Variants in SPIN1 observed in about 807,000 individuals in gnomAD.
SPIN1 encodes the protein spindlin-1.
Under a neutral mutation model 26.0 loss-of-function variants are expected in SPIN1, and 3 were observed. That is an observed-to-expected ratio of 0.12 (90% CI 0.05 to 0.30). The LOEUF (loss-of-function observed/expected upper bound fraction) is 0.30. Among genes scored for constraint, SPIN1 ranks in the 10% least tolerant of loss-of-function variants. The pLI is 1.00. For synonymous variants in SPIN1, 101 were observed against 116.5 expected (o/e 0.87, Z 0.86); for missense variants, 126 against 333.4 (o/e 0.38, Z 4.84).
intron 1 of SPIN1, 68 bp from the exon 2 acceptor site, chr9:88,426,314 T>G: frequency 2.6e-6 from 1 of 387,922 alleles, no homozygotes; most frequent in East Asian, 4.4e-5. Context: ...ATTTTATGTT[T>G]AATGGCTCAC....
chr9:88,453,989 C>T (rs1828417549), intron 3 of SPIN1, among the ~76,000 whole-genome samples: 1 of 152,164 alleles, frequency 6.6e-6, no homozygotes, highest in African/African-American at 2.4e-5. Context: ...ACCGGTTTAT[C>T]CCTAATGATG....
chr9:88,452,966 G>A (rs1182563663), intron 3 of SPIN1, among the ~76,000 whole-genome samples: 3 of 152,132 alleles, frequency 2.0e-5, no homozygotes, highest in Admixed American at 1.3e-4. Flanking sequence ...CTGGTATGTG[G>A]TAGAATTGTG....
intron 1 of SPIN1, among the ~76,000 whole-genome samples, chr9:88,412,029 A>G (rs960512706): frequency 3.3e-5 from 5 of 151,668 alleles, no homozygotes; most frequent in Non-Finnish European, 7.4e-5. Flanking sequence ...AAAAAAAAAA[A>G]ATAGCTGGGC....
chr9:88,407,398 C>G (rs1188646094), intron 1 of SPIN1, among the ~76,000 whole-genome samples: 1 of 151,882 alleles, frequency 6.6e-6, no homozygotes, highest in Non-Finnish European at 1.5e-5. Flanking sequence ...ATCTGCTTGG[C>G]CTCCCAAAGT....
rs1041738741 is a variant in SPIN1 at position 88,403,723 on chromosome 9, G to GA, written c.-159+15193dup. On this transcript the variant is annotated intron_variant, in intron 1 of 5. Transcript: ENST00000375859. ...GTAAGATCCTGTCTTCAAAGCGGGG[G>GA]AAAAAAAAGAAAACCACTATTAAGT... 1.5e-4 allele frequency among the ~76,000 whole-genome samples: 22 copies of GA among 151,584 alleles called. No homozygotes were observed. In the East Asian group the frequency reaches 4.1e-3, roughly 28 times the overall value.
intron 1 of SPIN1, among the ~76,000 whole-genome samples, chr9:88,406,230 C>T (rs1369575639): frequency 3.3e-5 from 5 of 151,272 alleles, no homozygotes; most frequent in Admixed American, 3.3e-4. Context: ...TGAAATGTCT[C>T]TGTGTGGGGC....
intron 2 of SPIN1, among the ~76,000 whole-genome samples, chr9:88,430,963 A>G (rs1172971083): frequency 6.6e-6 from 1 of 150,616 alleles, no homozygotes; most frequent in Admixed American, 6.6e-5. Flanking sequence ...GCTTACTGCA[A>G]CCTCTGCCTC....
intron 5 of SPIN1, among the ~76,000 whole-genome samples, chr9:88,469,814 G>GT (rs1254653733): frequency 1.3e-5 from 2 of 152,184 alleles, no homozygotes; most frequent in Admixed American, 1.3e-4. Context: ...GATTACAGGT[G>GT]TGAGCCATTA....
Position 88,461,845 on chromosome 9 carries a change from A to G in SPIN1, c.102-651A>G, listed in dbSNP as rs531221996. On this transcript the variant is annotated intron_variant, in intron 3 of 5. Transcript: ENST00000375859. ...AATAAGCCAGAAAAAAAGTAGTTTG[A>G]TGTTTCAATAATTTTTAATATTACA... Among the ~76,000 whole-genome samples, 327 of 152,340 alleles carry G rather than the reference A, an allele frequency of 2.1e-3. 1 individual carries two copies. The highest frequency in any genetic ancestry group is 7.7e-3 in the African/African-American group (320 of 41,588).
chr9:88,418,228 A>G (rs556226964), intron 1 of SPIN1, among the ~76,000 whole-genome samples: 4 of 152,198 alleles, frequency 2.6e-5, no homozygotes, highest in African/African-American at 4.8e-5. Context: ...CTGGAAATCA[A>G]ACCACTTCCT....
At chr9:88,403,994 T>G (rs1052530034) in intron 1 of SPIN1, among the ~76,000 whole-genome samples, 4 of 152,214 alleles carry the variant, frequency 2.6e-5, no homozygotes, top group Non-Finnish European at 5.9e-5. Context: ...TTTGACACAC[T>G]TAGGCTAAAT....
chr9:88,462,843 A>G, intron 4 of SPIN1, 94 bp downstream of exon 4: 2 of 1,347,588 alleles, frequency 1.5e-6, no homozygotes, highest in South Asian at 3.0e-5. Flanking sequence ...CTTCACTTTT[A>G]TTGGAACACA....
At chr9:88,464,764 AC>A (rs1178775809) in intron 4 of SPIN1, among the ~76,000 whole-genome samples, 7 of 152,290 alleles carry the variant, frequency 4.6e-5, no homozygotes, top group African/African-American at 4.8e-5. Context: ...TTGTAAAAAA[AC>A]ATAGCATAAA....
intron 1 of SPIN1, among the ~76,000 whole-genome samples, chr9:88,420,428 A>G (rs769957111): frequency 2.6e-5 from 4 of 152,216 alleles, no homozygotes; most frequent in Non-Finnish European, 5.9e-5. Flanking sequence ...TGCAAAACTG[A>G]GAGTAGCCAA....
chr9:88,443,849 C>T (rs1331646495), intron 2 of SPIN1, among the ~76,000 whole-genome samples: 1 of 152,134 alleles, frequency 6.6e-6, no homozygotes, highest in Non-Finnish European at 1.5e-5. Flanking sequence ...ATCAACTTCC[C>T]CGGCTTGTAG....
At chr9:88,393,420 A>C (rs564332755) in intron 1 of SPIN1, among the ~76,000 whole-genome samples, 1 of 149,282 alleles carries the variant, frequency 6.7e-6, no homozygotes, top group Non-Finnish European at 1.5e-5. Flanking sequence ...AGGAGAGAAA[A>C]GAATGTCCTT....
At chr9:88,419,194 C>T (rs150053427) in intron 1 of SPIN1, among the ~76,000 whole-genome samples, 91 of 152,310 alleles carry the variant, frequency 6.0e-4, no homozygotes, top group Non-Finnish European at 9.8e-4. Flanking sequence ...ATTCCTATTA[C>T]GTGCTCCACC....
At chr9:88,407,335 G>A (rs571615877) in intron 1 of SPIN1, among the ~76,000 whole-genome samples, 6 of 151,944 alleles carry the variant, frequency 3.9e-5, no homozygotes, top group Admixed American at 2.6e-4. Context: ...AGTAGAGACA[G>A]GGTTTTGCCA....
At chr9:88,437,500 G>GAA in intron 2 of SPIN1, among the ~76,000 whole-genome samples, 1 of 130,178 alleles carries the variant, frequency 7.7e-6, no homozygotes, top group East Asian at 2.2e-4. Flanking sequence ...CCTGTCTCAA[G>GAA]AAAAAAAAAA....
Sources: allele counts gnomAD v4.1 joint callset (sites outside exome capture counted in the v4.1 genomes callset), GRCh38; gene constraint gnomAD v4.1.1; transcripts MANE v1.5; gene names NCBI Gene and HGNC (gene_info 2026-07-23, HGNC 2026-07-21).